TIMM23B: variants seen among roughly 807,000 people sequenced by gnomAD.
TIMM23B encodes translocase of inner mitochondrial membrane 23 homolog B.
TIMM23B carries 27 observed loss-of-function variants against 27.3 expected under a neutral mutation model. The observed-to-expected ratio is 0.99, with a 90% CI of 0.73 to 1.36. The LOEUF is 1.36. Among genes scored for constraint, TIMM23B ranks in the 40% most tolerant of loss-of-function variants. The probability of loss-of-function intolerance (pLI) is 0.00; values close to 1 mark genes in which losing one functional copy is unlikely to be tolerated. For synonymous variants in TIMM23B, 73 were observed against 92.4 expected, an observed-to-expected ratio of 0.79 and a Z score of 1.21; for missense variants, 205 against 244.2, an observed-to-expected ratio of 0.84 and a Z score of 1.07.
In TIMM23B at chr10:49,974,467, G is replaced by T. The variant is rs1160097659; in HGVS notation, c.*1403G>T. On this transcript the variant is annotated 3_prime_UTR_variant, in exon 7 of 7. Coordinates refer to ENST00000651259, the MANE Select transcript of TIMM23B (RefSeq NM_001290117.2). ...AAGGGTAAATGCAGCCCTCACAGCA[G>T]CCTGTTGTTCGTCCTGCAAATGTGT... is the stretch of plus-strand genomic sequence containing the variant. 42 of 149,406 alleles carry T rather than the reference G, an allele frequency of 2.8e-4. No homozygotes were observed. The highest frequency in any genetic ancestry group is 8.0e-4 in the East Asian group (4 of 5,028). 9.3% of individuals were successfully genotyped at this position (149,406 alleles called of 1,614,324 possible). A position where few individuals can be genotyped will look rare whatever the true frequency, so the allele number is the denominator to read the frequency against.
At chr10:49,965,008 G>A (rs1437216340) in intron 6 of TIMM23B, among the ~76,000 whole-genome samples, 1 of 152,200 alleles carries the variant, frequency 6.6e-6, no homozygotes, top group African/African-American at 2.4e-5. Context: ...ATCACTTGAG[G>A]TCAGGAGTTC....
intron 1 of TIMM23B, 36 bp from the exon 2 acceptor site, chr10:49,944,996 A>G (rs1839310892): frequency 1.3e-6 from 2 of 1,564,092 alleles, no homozygotes; most frequent in South Asian, 2.2e-5. Context: ...AACTTAAAGA[A>G]TTTTGTTGCA....
At position 49,964,157 on chromosome 10, in the gene TIMM23B, C is replaced by T. The variant is rs113361428; in HGVS notation, c.514+5677C>T. On this transcript the variant is annotated intron_variant, in intron 6 of 6. Coordinates refer to ENST00000651259, the MANE Select transcript of TIMM23B (RefSeq NM_001290117.2). ...TGCCAGGTGTGGTGGCGCACTCCAG[C>T]CTGGGTGATAGAGCGAGTCTCCATC... Among the ~76,000 whole-genome samples, 221 of 151,924 alleles carry T rather than the reference C, an allele frequency of 1.5e-3. 3 individuals are homozygous for T. Among genetic ancestry groups the T allele is most frequent in the African/African-American group, 5.1e-3 (213 of 41,412 alleles).
chr10:49,956,455 GTGTGTGTGTGTGTGTA>G lies in TIMM23B; in HGVS notation c.403+1403_403+1418del, dbSNP rs1330135907. On this transcript the variant is annotated intron_variant, in intron 5 of 6. Transcript: ENST00000651259. ...TGTGTGTGTGTGTGTGTGTGTGTGT[GTGTGTGTGTGTGTGTA>G]TGTGTGTCTTCAATCCGAAGTACAG... Among the ~76,000 whole-genome samples the G allele has an allele frequency of 4.5e-5, 6 of 134,166 alleles. 1 individual carries two copies. Among genetic ancestry groups the G allele is most frequent in the Non-Finnish European group, 8.8e-5 (5 of 57,130 alleles). 88.0% of individuals were successfully genotyped at this position (134,166 alleles called of 152,430 possible). A position where few individuals can be genotyped will look rare whatever the true frequency, so the allele number is the denominator to read the frequency against.
In TIMM23B at chr10:49,942,088, G is replaced by A; in HGVS notation, c.-107G>A. 7.4e-7 allele frequency: 1 copy of A among 1,353,736 alleles called. No homozygotes were observed. Among genetic ancestry groups the A allele is most frequent in the Non-Finnish European group, 1.0e-6 (1 of 1,002,516 alleles). The allele number at this position is 1,353,736 out of a possible 1,614,324, so 83.9% of individuals were successfully genotyped here. Reference sequence around the variant, plus strand: ...GGCGCCCGGAATGTCAGCGTGTGAAGTAGGCGCTGGCAACGCGGGGTTACC... The same window carrying A: ...GGCGCCCGGAATGTCAGCGTGTGAAATAGGCGCTGGCAACGCGGGGTTACC... On this transcript the variant is annotated 5_prime_UTR_variant, in exon 1 of 7. Transcript: ENST00000651259.
chr10:49,958,568 T>C (rs1246107417), intron 6 of TIMM23B, 88 bp downstream of exon 6: 1 of 1,053,588 alleles, frequency 9.5e-7, no homozygotes, highest in African/African-American at 1.6e-5. Flanking sequence ...TTACACTCTG[T>C]TGCAGTATAA....
chr10:49,946,132 G>A (rs1279126022), intron 2 of TIMM23B, among the ~76,000 whole-genome samples: 3 of 151,188 alleles, frequency 2.0e-5, no homozygotes, highest in Non-Finnish European at 4.4e-5. Flanking sequence ...AAAGGTTGCA[G>A]TGAGCTGAGA....
intron 1 of TIMM23B, 39 bp from the exon 2 acceptor site, chr10:49,944,993 A>C (rs2133046933): frequency 6.4e-7 from 1 of 1,568,608 alleles, no homozygotes; most frequent in East Asian, 2.2e-5. Flanking sequence ...ATTAACTTAA[A>C]GAATTTTGTT....
At chr10:49,942,574 G>A (rs1206792733) in intron 1 of TIMM23B, among the ~76,000 whole-genome samples, 2 of 152,288 alleles carry the variant, frequency 1.3e-5, no homozygotes, top group African/African-American at 4.8e-5. Flanking sequence ...AGCCTCGTAC[G>A]TTTTGTGTGT....
chr10:49,947,583 C>T (rs1839393224), intron 2 of TIMM23B, among the ~76,000 whole-genome samples: 1 of 151,876 alleles, frequency 6.6e-6, no homozygotes. Flanking sequence ...GCACTTCAGC[C>T]TGGGCAACAG....
chr10:49,952,455 C>T lies in TIMM23B; in HGVS notation c.266C>T (p.Ala89Val), dbSNP rs1264086619. The T allele has an allele frequency of 2.8e-5, 45 of 1,612,802 alleles. No homozygotes were observed. The Admixed American group carries it at 6.8e-4, about 25-fold the overall frequency. The part of the protein sequence containing the change: ...TIGGCCMTGA[A>V]FGAMNGLRLG... ...AATTTTTATGATTTACCAGGGGCTG[C>T]GTTTGGGGCAATGAATGGTCTTCGG... The change falls in exon 4 of 7, where the codon GCG becomes GTG. Residue 89 changes from alanine to valine, a missense_variant. Transcript: ENST00000651259.
intron 6 of TIMM23B, among the ~76,000 whole-genome samples, chr10:49,959,156 G>T (rs1305501045): frequency 1.3e-5 from 2 of 151,894 alleles, no homozygotes; most frequent in African/African-American, 4.8e-5. Context: ...GGTTTATGGT[G>T]GTTTTTTGAC....
At chr10:49,965,135 G>A (rs1554855209) in intron 6 of TIMM23B, among the ~76,000 whole-genome samples, 5 of 151,996 alleles carry the variant, frequency 3.3e-5, no homozygotes, top group South Asian at 2.1e-4. Context: ...GAGGAGAATC[G>A]CTTGTACCCA....
chr10:49,948,830 C>T (rs1839431827), intron 2 of TIMM23B, among the ~76,000 whole-genome samples: 1 of 152,132 alleles, frequency 6.6e-6, no homozygotes, highest in Non-Finnish European at 1.5e-5. Context: ...GAATTGTACA[C>T]TCTAAGTAAG....
intron 1 of TIMM23B, among the ~76,000 whole-genome samples, chr10:49,944,560 TTAA>T (rs1839294676): frequency 6.6e-6 from 1 of 151,932 alleles, no homozygotes; most frequent in South Asian, 2.1e-4. Flanking sequence ...AAATCAATCG[TTAA>T]TAGTAATATG....
Position 49,970,898 on chromosome 10 carries a change from G to A in TIMM23B, c.515-2114G>A, listed in dbSNP as rs1554856425. 3.3e-5 allele frequency among the ~76,000 whole-genome samples: 5 copies of A among 152,364 alleles called. No individual in the cohort carries two copies. In the South Asian group the frequency reaches 1.0e-3, roughly 32 times the overall value. ...TTTGTTGAATAGAAAAGGGGGAAAT[G>A]TGGGGAAAAGATAGAGAAATCGGAT... On this transcript the variant is annotated intron_variant, in intron 6 of 6. Coordinates refer to ENST00000651259, the MANE Select transcript of TIMM23B (RefSeq NM_001290117.2).
chr10:49,957,518 A>AGTGC (rs1381427272), intron 5 of TIMM23B, among the ~76,000 whole-genome samples: 6 of 152,086 alleles, frequency 3.9e-5, no homozygotes, highest in Admixed American at 3.9e-4. Flanking sequence ...GGCCTCCCAG[A>AGTGC]GTGCTGGGAT....
chr10:49,945,638 G>GT (rs1266339877), intron 2 of TIMM23B, among the ~76,000 whole-genome samples: 1 of 152,072 alleles, frequency 6.6e-6, no homozygotes, highest in Non-Finnish European at 1.5e-5. Flanking sequence ...TTAAAGCTCA[G>GT]TTTACAATAT....
At chr10:49,959,757 T>C (rs1477325900) in intron 6 of TIMM23B, among the ~76,000 whole-genome samples, 1 of 151,952 alleles carries the variant, frequency 6.6e-6, no homozygotes, top group African/African-American at 2.4e-5. Context: ...TTTTTTTTTT[T>C]CTTTCTTTTT....
Sources: gnomAD v4.1 joint callset for allele counts (sites outside exome capture counted in the v4.1 genomes callset) on GRCh38, gnomAD v4.1.1 for gene constraint, MANE v1.5 for transcripts, NCBI Gene and HGNC (gene_info 2026-07-23, HGNC 2026-07-21) for gene names.